Variants in LTBP1 observed in about 807,000 individuals in gnomAD.
LTBP1 encodes latent-transforming growth factor beta-binding protein 1.
In LTBP1, 129 loss-of-function variants were observed where a neutral mutation model predicts 207.6. The observed-to-expected ratio is 0.62, with a 90% CI of 0.54 to 0.72. LTBP1 has a LOEUF of 0.72. Ranked by LOEUF, LTBP1 falls within the 30% of genes least tolerant of loss-of-function variation. LTBP1 has a pLI of 0.00. For missense variants in LTBP1, 2,281 were observed against 2,217.2 expected (o/e 1.03, Z -0.58); for synonymous variants, 963 against 833.7 (o/e 1.16, Z -2.67).
intron 3 of LTBP1, among the ~76,000 whole-genome samples, chr2:33,098,651 C>A (rs999806141): frequency 5.3e-5 from 8 of 151,990 alleles, no homozygotes; most frequent in African/African-American, 1.7e-4. Flanking sequence ...GTTGGCCAGG[C>A]TGGTCTCGAA....
rs562309262 is a variant in LTBP1, at chr2:33,220,488, TTAAA to T, written c.1805-1589_1805-1586del. Among the ~76,000 whole-genome samples, 4 of 152,384 alleles carry T rather than the reference TTAAA, an allele frequency of 2.6e-5. No individual in the cohort carries two copies. In the South Asian group the frequency reaches 8.3e-4, roughly 32 times the overall value. On this transcript the variant is annotated intron_variant, in intron 8 of 33. Transcript: ENST00000404816. ...TAATTTTAAATCTGCAAATGATTTC[TTAAA>T]TAGTTTGTGACCCATTAGAAATGTG... is the stretch of plus-strand genomic sequence containing the variant.
chr2:33,302,527 T>G (rs2094005056), intron 22 of LTBP1, among the ~76,000 whole-genome samples: 1 of 152,174 alleles, frequency 6.6e-6, no homozygotes, highest in South Asian at 2.1e-4. Flanking sequence ...TCTATTGTCA[T>G]TTACAGCATC....
chr2:33,060,742 T>C (rs2077229914), intron 3 of LTBP1, among the ~76,000 whole-genome samples: 1 of 151,940 alleles, frequency 6.6e-6, no homozygotes, highest in African/African-American at 2.4e-5. Context: ...AGAGCATGAA[T>C]TATTTTCTTA....
intron 9 of LTBP1, among the ~76,000 whole-genome samples, chr2:33,240,826 A>G (rs2092291883): frequency 1.3e-5 from 2 of 151,330 alleles, no homozygotes; most frequent in South Asian, 2.1e-4. Context: ...AACTTTTTGT[A>G]TTTTTAGTAG....
Position 33,254,864 on chromosome 2 carries a change from T to TG in LTBP1, c.2167+2020_2167+2021insG, listed in dbSNP as rs2092799534. Among the ~76,000 whole-genome samples the TG allele has an allele frequency of 9.9e-5, 11 of 110,884 alleles. No homozygotes were observed. In the South Asian group the frequency reaches 3.5e-3, roughly 35 times the overall value. The allele number at this position is 110,884 out of a possible 152,430, so 72.7% of individuals were successfully genotyped here. ...CATGCGGTGTTTGGTTTTTTTTTTT[T>TG]TTTTTTTTTTTTTTTTTTTGTATTT... On this transcript the variant is annotated intron_variant, in intron 11 of 33. Transcript: ENST00000404816.
chr2:32,951,569 G>C (rs1289440976), intron 2 of LTBP1, among the ~76,000 whole-genome samples: 1 of 152,168 alleles, frequency 6.6e-6, no homozygotes, highest in Non-Finnish European at 1.5e-5. Flanking sequence ...GGGGTCAGAA[G>C]ACCTAAATTC....
At chr2:33,284,680 A>G (rs763750880) in intron 19 of LTBP1, among the ~76,000 whole-genome samples, 14 of 152,206 alleles carry the variant, frequency 9.2e-5, no homozygotes, top group Non-Finnish European at 1.6e-4. Context: ...AAACCCGATG[A>G]GAGCCATCCC....
intron 24 of LTBP1, among the ~76,000 whole-genome samples, chr2:33,324,325 TTATTAC>T (rs899179582): frequency 6.6e-6 from 1 of 152,010 alleles, no homozygotes; most frequent in Admixed American, 6.6e-5. Flanking sequence ...TCACAGTATA[TTATTAC>T]TATTAATTCT....
intron 5 of LTBP1, among the ~76,000 whole-genome samples, chr2:33,179,326 A>G (rs766074918): frequency 2.6e-5 from 4 of 152,190 alleles, no homozygotes; most frequent in Non-Finnish European, 4.4e-5. Flanking sequence ...GTTTAAAACT[A>G]ATGGTTACTA....
intron 19 of LTBP1, among the ~76,000 whole-genome samples, chr2:33,283,140 T>C (rs1400829516): frequency 6.6e-6 from 1 of 151,274 alleles, no homozygotes; most frequent in Non-Finnish European, 1.5e-5. Context: ...ACTCTAGTGC[T>C]TACGTCGTGC....
chr2:33,082,672 GCCA>G (rs2078513594), intron 3 of LTBP1, among the ~76,000 whole-genome samples: 1 of 152,030 alleles, frequency 6.6e-6, no homozygotes, highest in Non-Finnish European at 1.5e-5. Flanking sequence ...TGATCCGCCT[GCCA>G]CAGCCTCCCA....
intron 10 of LTBP1, among the ~76,000 whole-genome samples, chr2:33,248,245 C>A (rs1183932899): frequency 6.6e-6 from 1 of 152,180 alleles, no homozygotes; most frequent in Non-Finnish European, 1.5e-5. Context: ...GTGCTAAGCA[C>A]TTTATGTGAA....
At chr2:33,240,645 C>CTTTTTTT (rs869193074) in intron 9 of LTBP1, among the ~76,000 whole-genome samples, 13 of 100,816 alleles carry the variant, frequency 1.3e-4, no homozygotes, top group South Asian at 3.2e-4. Flanking sequence ...TGGAAACATT[C>CTTTTTTT]TTTTTTTTTT....
chr2:33,395,268 G>T (rs1037046537), intron 32 of LTBP1, among the ~76,000 whole-genome samples: 1 of 152,132 alleles, frequency 6.6e-6, no homozygotes, highest in African/African-American at 2.4e-5. Flanking sequence ...GCAGAAGACC[G>T]AGTTCCTCTG....
At chr2:33,297,797 G>T (rs573822939) in intron 20 of LTBP1, among the ~76,000 whole-genome samples, 1 of 152,290 alleles carries the variant, frequency 6.6e-6, no homozygotes, top group South Asian at 2.1e-4. Context: ...GATTTCACAA[G>T]TTTTTCCAGT....
chr2:33,001,480 A>G lies in LTBP1; in HGVS notation c.566-19429A>G, dbSNP rs184876172. The stretch of plus-strand genomic sequence containing the variant: ...AGAACAACTGCCTTAAGATTAAATA[A>G]TGTTGGATACAGCTTGGGTCCAATT... On this transcript the variant is annotated intron_variant, in intron 2 of 33. Coordinates refer to ENST00000404816, the MANE Select transcript of LTBP1 (RefSeq NM_206943.4). Among the ~76,000 whole-genome samples, 68 of 134,994 alleles carry G rather than the reference A, an allele frequency of 5.0e-4. 8 individuals carry two copies. Among genetic ancestry groups the G allele is most frequent in the African/African-American group, 1.7e-3 (66 of 38,738 alleles). The allele number at this position is 134,994 out of a possible 152,430, so 88.6% of individuals were successfully genotyped here. A position where few individuals can be genotyped will look rare whatever the true frequency, so the allele number is the denominator to read the frequency against.
chr2:32,981,221 C>G (rs1682716427), intron 2 of LTBP1, among the ~76,000 whole-genome samples: 2 of 152,076 alleles, frequency 1.3e-5, no homozygotes, highest in Admixed American at 1.3e-4. Flanking sequence ...TAGATTTGCC[C>G]CATTGCGGCC....
intron 3 of LTBP1, among the ~76,000 whole-genome samples, chr2:33,086,869 C>A (rs1337428970): frequency 1.3e-5 from 2 of 151,592 alleles, no homozygotes; most frequent in African/African-American, 4.8e-5. Flanking sequence ...AACACATTGT[C>A]TTTTTATTTA....
At position 32,947,080 on chromosome 2, in the gene LTBP1, G is replaced by T. The variant is rs1676286039; in HGVS notation, c.-245G>T. ...CGGCCCGCTCCCCTCGCCCCTCCCC[G>T]CTCCCCGGGCTCCGCGCTCCCCACC... On this transcript the variant is annotated 5_prime_UTR_variant, in exon 1 of 34. Transcript: ENST00000404816. 1.6e-5 allele frequency: 5 copies of T among 303,444 alleles called. No individual in the cohort carries two copies. In the South Asian group the frequency reaches 8.0e-4, roughly 49 times the overall value. The allele number at this position is 303,444 out of a possible 1,614,324, so 18.8% of individuals were successfully genotyped here.
Sources: allele counts gnomAD v4.1 joint callset (sites outside exome capture counted in the v4.1 genomes callset), GRCh38; gene constraint gnomAD v4.1.1; transcripts MANE v1.5; gene names NCBI Gene and HGNC (gene_info 2026-07-23, HGNC 2026-07-21).